UBR4: variants seen among roughly 807,000 people sequenced by gnomAD.
The protein encoded by UBR4 is E3 ubiquitin-protein ligase UBR4.
A neutral mutation model predicts 575.6 loss-of-function variants in UBR4; 124 were observed. The ratio of observed to expected loss-of-function variants is 0.22; its 90% confidence interval spans 0.19 to 0.25. The LOEUF (loss-of-function observed/expected upper bound fraction) is 0.25. UBR4 is among the 10% of genes least tolerant of loss of function. The pLI is 1.00. For missense variants in UBR4, 4,818 were observed against 6,478.8 expected, an observed-to-expected ratio of 0.74 and a Z score of 8.80; for synonymous variants, 2,455 against 2,473.7, an observed-to-expected ratio of 0.99 and a Z score of 0.22.
intron 60 of UBR4, among the ~76,000 whole-genome samples, chr1:19,133,235 T>G (rs1570908439): frequency 6.6e-6 from 1 of 152,166 alleles, no homozygotes; most frequent in Non-Finnish European, 1.5e-5. Flanking sequence ...CTAAATAGGC[T>G]TAATAATAGA....
In UBR4 at chr1:19,106,735, C is replaced by A; in HGVS notation, c.12236-9G>T. On this transcript the variant is annotated splice_polypyrimidine_tract_variant and intron_variant, in intron 82 of 105. Coordinates refer to ENST00000375254, the MANE Select transcript of UBR4 (RefSeq NM_020765.3). ...CCCATTGCCATCTATCCCTGCAAGG[C>A]CAAGGGTTGCAGGGGTAGTAGGTAA... The A allele has an allele frequency of 6.3e-7, 1 of 1,596,414 alleles. No homozygotes were observed. The highest frequency in any genetic ancestry group is 8.6e-7 in the Non-Finnish European group (1 of 1,168,876).
chr1:19,115,179 A>G (rs1341277755), intron 74 of UBR4, among the ~76,000 whole-genome samples: 1 of 145,590 alleles, frequency 6.9e-6, no homozygotes. Context: ...GCCACAGGAC[A>G]GACACACTCG....
At chr1:19,104,318 G>A in intron 86 of UBR4, 61 bp from the exon 87 acceptor site, 2 of 1,580,016 alleles carry the variant, frequency 1.3e-6, no homozygotes, top group Non-Finnish European at 1.7e-6. Flanking sequence ...GACAGTCTGT[G>A]TCTCAAAAGA....
chr1:19,096,936 A>G (rs1341664435), intron 91 of UBR4, among the ~76,000 whole-genome samples: 2 of 152,156 alleles, frequency 1.3e-5, no homozygotes, highest in Non-Finnish European at 2.9e-5. Flanking sequence ...GTTAAAAATA[A>G]ATCTGAACTC....
At chr1:19,115,702 C>T (rs1413346531) in intron 73 of UBR4, 65 bp from the exon 74 acceptor site, 1 of 1,584,348 alleles carries the variant, frequency 6.3e-7, no homozygotes, top group Admixed American at 1.7e-5. Flanking sequence ...TCTGATGAGA[C>T]AAAGAGGAAG....
intron 25 of UBR4, 44 bp from the exon 26 acceptor site, chr1:19,170,927 C>A (rs750693338): frequency 6.2e-7 from 1 of 1,613,432 alleles, no homozygotes; most frequent in Non-Finnish European, 8.5e-7. Context: ...AGATTCTAAT[C>A]CCACCAGTTA....
rs2078529357 is a variant in UBR4 at position 19,100,649 on chromosome 1, GACACTCGAGGAAA to G, written c.13024-89_13024-77del. On this transcript the variant is annotated intron_variant, in intron 88 of 105. Transcript: ENST00000375254. This position sits in a 1 kb window ranked among gnomAD's most constrained non-coding sequence, Gnocchi z 4.2. ...TTATACCATGCTACCTTGTTCCATGGACACTCGAGGAAAACACACCAAACTCAGCAAGCCCCCC... is the reference window on the plus strand; with the variant it reads ...TTATACCATGCTACCTTGTTCCATGGACACACCAAACTCAGCAAGCCCCCC... 6.3e-6 allele frequency: 9 copies of G among 1,432,556 alleles called. No individual in the cohort carries two copies. The highest frequency in any genetic ancestry group is 6.8e-6 in the Non-Finnish European group (7 of 1,027,666). 88.7% of individuals were successfully genotyped at this position (1,432,556 alleles called of 1,614,324 possible). A position where few individuals can be genotyped will look rare whatever the true frequency, so the allele number is the denominator to read the frequency against.
At chr1:19,077,829 C>T (rs546259968) in intron 104 of UBR4, 147 bp downstream of exon 104, 2 of 1,546,862 alleles carry the variant, frequency 1.3e-6, no homozygotes, top group East Asian at 4.9e-5. Context: ...ATCCCTCCCA[C>T]AGTTGGGGTT....
intron 102 of UBR4, 57 bp downstream of exon 102, chr1:19,084,447 G>A: frequency 6.6e-7 from 1 of 1,518,490 alleles, no homozygotes; most frequent in Admixed American, 1.8e-5. Flanking sequence ...GGGATCTCGG[G>A]CAGAGGGATG....
rs201931796 is a variant in UBR4 at position 19,086,853 on chromosome 1, G to A, written c.14545-32C>T. ...AGACGACAACATAAGGAGAGGGGAG[G>A]AGAAACTCCAAGTCAGGCTCAGGAG... On this transcript the variant is annotated intron_variant, in intron 99 of 105. Coordinates refer to ENST00000375254, the MANE Select transcript of UBR4 (RefSeq NM_020765.3). 780 of 1,611,010 alleles carry A rather than the reference G, an allele frequency of 4.8e-4. 1 individual carries two copies. Among genetic ancestry groups the A allele is most frequent in the African/African-American group, 3.6e-3 (270 of 74,998 alleles).
chr1:19,199,601 G>A (rs1055531539), intron 3 of UBR4, 50 bp downstream of exon 3: 1 of 1,562,718 alleles, frequency 6.4e-7, no homozygotes, highest in African/African-American at 1.4e-5. Context: ...CCACTAGTCA[G>A]TCACAACACT....
At chr1:19,112,494 T>G in intron 78 of UBR4, 30 bp downstream of exon 78, 2 of 1,575,728 alleles carry the variant, frequency 1.3e-6, no homozygotes, top group Non-Finnish European at 1.7e-6. Flanking sequence ...TAGGAACCAC[T>G]AGGCCCATAA....
intron 17 of UBR4, among the ~76,000 whole-genome samples, chr1:19,182,307 G>A (rs1402723005): frequency 6.6e-6 from 1 of 151,894 alleles, no homozygotes; most frequent in East Asian, 1.9e-4. Flanking sequence ...TTCTTCTGGG[G>A]TATATAAGTA....
intron 60 of UBR4, among the ~76,000 whole-genome samples, chr1:19,130,047 C>A (rs894813171): frequency 2.6e-5 from 4 of 151,610 alleles, no homozygotes; most frequent in Non-Finnish European, 4.4e-5. Flanking sequence ...AAAAAAGGAC[C>A]AAAAAAATTG....
intron 60 of UBR4, among the ~76,000 whole-genome samples, chr1:19,136,066 C>T (rs1333035937): frequency 6.6e-6 from 1 of 152,100 alleles, no homozygotes; most frequent in Non-Finnish European, 1.5e-5. Flanking sequence ...GTCGGGGGTG[C>T]TGCCAACACA....
At position 19,097,921 on chromosome 1, in the gene UBR4, C is replaced by G. The variant is rs112947649; in HGVS notation, c.13303-641G>C. 3.3e-4 allele frequency among the ~76,000 whole-genome samples: 50 copies of G among 152,300 alleles called. 1 individual carries two copies. In the South Asian group the frequency reaches 7.5e-3, roughly 23 times the overall value. ...ACAATCTGACTAGAATGATAAGAAT[C>G]AAGTCTTTTATAAATGACAAAATTA... is the stretch of plus-strand genomic sequence containing the variant. On this transcript the variant is annotated intron_variant, in intron 90 of 105. Coordinates refer to ENST00000375254, the MANE Select transcript of UBR4 (RefSeq NM_020765.3).
chr1:19,095,751 G>A (rs1557551709), intron 92 of UBR4, 99 bp from the exon 93 acceptor site: 7 of 1,052,276 alleles, frequency 6.7e-6, no homozygotes, highest in South Asian at 4.1e-5. Flanking sequence ...TACACCATCA[G>A]CAGGGGCTCC....
intron 23 of UBR4, 44 bp from the exon 24 acceptor site, chr1:19,173,350 C>A: frequency 6.2e-7 from 1 of 1,612,178 alleles, no homozygotes; most frequent in Non-Finnish European, 8.5e-7. Flanking sequence ...TGACTATAGG[C>A]AAAGCTTTCA....
chr1:19,190,420 C>G (rs75373643), intron 11 of UBR4, among the ~76,000 whole-genome samples: 2,720 of 150,752 alleles, frequency 0.018, 86 homozygotes, highest in African/African-American at 0.063. Flanking sequence ...GCCTGGGACA[C>G]AGAAGATGCT....
Sources: gnomAD v4.1 joint callset for allele counts (sites outside exome capture counted in the v4.1 genomes callset) on GRCh38, gnomAD v4.1.1 for gene constraint, Gnocchi (gnomAD v3.1) non-coding constraint, MANE v1.5 for transcripts, NCBI Gene and HGNC (gene_info 2026-07-23, HGNC 2026-07-21) for gene names.